Variants in PTPRT observed in about 807,000 individuals in gnomAD.
The protein encoded by PTPRT is receptor-type tyrosine-protein phosphatase T.
PTPRT carries 56 observed loss-of-function variants against 176.8 expected under a neutral mutation model. The ratio of observed to expected loss-of-function variants is 0.32; its 90% confidence interval spans 0.26 to 0.40. The LOEUF is 0.40. Ranked by LOEUF, PTPRT falls within the 10% of genes least tolerant of loss-of-function variation. The pLI is 1.00. For missense variants in PTPRT, 1,540 were observed against 1,908.2 expected (o/e 0.81, Z 3.60); for synonymous variants, 783 against 739.0 (o/e 1.06, Z -0.96).
At chr20:42,557,655 T>C (rs1449887292) in intron 7 of PTPRT, among the ~76,000 whole-genome samples, 4 of 152,116 alleles carry the variant, frequency 2.6e-5, no homozygotes, top group African/African-American at 9.7e-5. Flanking sequence ...CAGAAAGTCA[T>C]TGTGGAGTAG....
chr20:42,437,514 T>C (rs6072745), intron 9 of PTPRT, among the ~76,000 whole-genome samples: 128,151 of 151,802 alleles, frequency 0.84, 54,290 homozygotes, highest in Admixed American at 0.87. Flanking sequence ...AAGCAGTGAA[T>C]TTTCTTTATG....
Position 43,143,890 on chromosome 20 carries a change from C to T in PTPRT, c.88+45756G>A, listed in dbSNP as rs180880958. On this transcript the variant is annotated intron_variant, in intron 1 of 30. Transcript: ENST00000373187. ...TCACATAAGCAGCAATCCCACCTAA[C>T]GCATGAGTGCCTTCTATAGGGTCAC... Among the ~76,000 whole-genome samples the T allele has an allele frequency of 1.7e-3, 265 of 152,268 alleles. 1 individual carries two copies. The highest frequency in any genetic ancestry group is 5.8e-3 in the African/African-American group (243 of 41,558).
chr20:42,471,354 T>C (rs1301220602), intron 8 of PTPRT, among the ~76,000 whole-genome samples: 1 of 152,168 alleles, frequency 6.6e-6, no homozygotes, highest in East Asian at 1.9e-4. Flanking sequence ...GGAGGTGTGA[T>C]TGGATCATGG....
At chr20:42,535,868 C>A (rs923246014) in intron 7 of PTPRT, among the ~76,000 whole-genome samples, 1 of 152,072 alleles carries the variant, frequency 6.6e-6, no homozygotes, top group Non-Finnish European at 1.5e-5. Context: ...ATTGGGGTGG[C>A]CAGATCAGGG....
intron 2 of PTPRT, among the ~76,000 whole-genome samples, chr20:42,841,974 T>C (rs8121204): frequency 0.087 from 13,291 of 152,200 alleles, 711 homozygotes; most frequent in Admixed American, 0.15. Context: ...TCATCATCAG[T>C]CCCAAACTGA....
At chr20:42,866,527 C>A (rs2078749669) in intron 2 of PTPRT, among the ~76,000 whole-genome samples, 1 of 152,158 alleles carries the variant, frequency 6.6e-6, no homozygotes, top group African/African-American at 2.4e-5. Context: ...CCTTCCTTCC[C>A]ACCACAGGCT....
chr20:42,115,716 C>T (rs1040156874), intron 21 of PTPRT, among the ~76,000 whole-genome samples: 8 of 152,202 alleles, frequency 5.3e-5, no homozygotes, highest in Non-Finnish European at 1.2e-4. Context: ...TGGGGACTGA[C>T]TGAGTCCCCT....
At chr20:42,110,909 G>GTGAT (rs1247876718) in intron 22 of PTPRT, among the ~76,000 whole-genome samples, 2 of 152,220 alleles carry the variant, frequency 1.3e-5, no homozygotes, top group African/African-American at 2.4e-5. Flanking sequence ...GAGGCGTTCA[G>GTGAT]TGATTGAGGT....
intron 2 of PTPRT, among the ~76,000 whole-genome samples, chr20:42,860,574 T>C (rs1378312656): frequency 6.6e-6 from 1 of 152,216 alleles, no homozygotes; most frequent in African/African-American, 2.4e-5. Context: ...ATAGATTCCT[T>C]CTACAGTTCC....
chr20:42,223,983 A>T (rs1052300610), intron 15 of PTPRT, among the ~76,000 whole-genome samples: 6 of 152,196 alleles, frequency 3.9e-5, no homozygotes, highest in African/African-American at 1.4e-4. Context: ...CAGGGTTTTG[A>T]CCACACTAAT....
At chr20:42,741,830 T>C (rs937453166) in intron 6 of PTPRT, among the ~76,000 whole-genome samples, 1 of 152,028 alleles carries the variant, frequency 6.6e-6, no homozygotes, top group Non-Finnish European at 1.5e-5. Flanking sequence ...TACGGGTCAA[T>C]AACTGCTAGA....
intron 1 of PTPRT, among the ~76,000 whole-genome samples, chr20:43,069,519 C>T (rs1016758714): frequency 2.0e-5 from 3 of 152,162 alleles, no homozygotes; most frequent in Non-Finnish European, 2.9e-5. Flanking sequence ...TAATATAAAC[C>T]CATTATATTT....
At chr20:42,773,985 T>G (rs1282944236) in intron 4 of PTPRT, among the ~76,000 whole-genome samples, 2 of 152,220 alleles carry the variant, frequency 1.3e-5, no homozygotes, top group Admixed American at 6.5e-5. Flanking sequence ...CACTTCTTCC[T>G]TCTCAGCAAC....
chr20:42,181,401 C>G (rs370954577), intron 16 of PTPRT, among the ~76,000 whole-genome samples: 5 of 152,040 alleles, frequency 3.3e-5, no homozygotes, highest in African/African-American at 1.2e-4. Flanking sequence ...GGTGATGGGG[C>G]CTTTAGAACT....
intron 1 of PTPRT, among the ~76,000 whole-genome samples, chr20:43,166,532 C>G (rs1454144872): frequency 1.3e-5 from 2 of 152,080 alleles, no homozygotes; most frequent in Non-Finnish European, 2.9e-5. Context: ...TTTTATTTTC[C>G]TTTCACAAGT....
chr20:42,990,925 A>C (rs1327162637), intron 1 of PTPRT, among the ~76,000 whole-genome samples: 4 of 152,188 alleles, frequency 2.6e-5, no homozygotes, highest in Non-Finnish European at 5.9e-5. Flanking sequence ...TATTGATCAG[A>C]AAGAGTTTTT....
chr20:42,169,723 C>T (rs1057320510), intron 16 of PTPRT, among the ~76,000 whole-genome samples: 3 of 136,816 alleles, frequency 2.2e-5, no homozygotes, highest in South Asian at 5.0e-4. Context: ...GCCTGGATAC[C>T]GTGAAAAGTA....
intron 18 of PTPRT, among the ~76,000 whole-genome samples, chr20:42,135,194 C>G (rs952330270): frequency 6.6e-6 from 1 of 152,204 alleles, no homozygotes; most frequent in African/African-American, 2.4e-5. Context: ...AACCATATCA[C>G]CTGGGGTAGG....
chr20:42,069,253 AG>A (rs1982217762), downstream of PTPRT, among the ~76,000 whole-genome samples: 1 of 152,174 alleles, frequency 6.6e-6, no homozygotes, highest in Admixed American at 6.5e-5. Context: ...GTCTTCAGGG[AG>A]GGGAATCCAT....
Sources: gnomAD v4.1 joint callset for allele counts (sites outside exome capture counted in the v4.1 genomes callset) on GRCh38, gnomAD v4.1.1 for gene constraint, MANE v1.5 for transcripts, NCBI Gene and HGNC (gene_info 2026-07-23, HGNC 2026-07-21) for gene names.